SCNN1G: variants seen among roughly 807,000 people sequenced by gnomAD.
SCNN1G encodes the protein sodium channel epithelial 1 subunit gamma, also known as epithelial sodium channel subunit gamma.
A neutral mutation model predicts 64.6 loss-of-function variants in SCNN1G; 27 were observed. That is an observed-to-expected ratio of 0.42 (90% CI 0.31 to 0.58). The LOEUF (loss-of-function observed/expected upper bound fraction) is 0.58, where lower values mean the gene tolerates loss of function less well. SCNN1G is among the 20% of genes least tolerant of loss of function. SCNN1G has a pLI of 0.18. For missense variants in SCNN1G, 743 were observed against 823.4 expected (o/e 0.90, Z 1.19); for synonymous variants, 330 against 314.2 (o/e 1.05, Z -0.53).
Position 23,209,747 on chromosome 16 carries a change from C to T in SCNN1G, c.1078-3C>T, listed in dbSNP as rs754536613. 5 of 1,611,036 alleles carry T rather than the reference C, an allele frequency of 3.1e-6. No homozygotes were observed. In the Admixed American group the frequency reaches 8.3e-5, roughly 27 times the overall value. On this transcript the variant is annotated splice_polypyrimidine_tract_variant and splice_region_variant and intron_variant, in intron 6 of 12. Coordinates refer to ENST00000300061, the MANE Select transcript of SCNN1G (RefSeq NM_001039.4). Reference sequence around the variant, plus strand: ...GGCTGAGTGTGTGCTGCTGTGATTGCAGACAGAGTCCTTCAAGCTGAGTGA... The same window carrying T: ...GGCTGAGTGTGTGCTGCTGTGATTGTAGACAGAGTCCTTCAAGCTGAGTGA...
intron 2 of SCNN1G, among the ~76,000 whole-genome samples, chr16:23,187,749 A>G (rs916622353): frequency 1.3e-5 from 2 of 152,156 alleles, no homozygotes; most frequent in African/African-American, 4.8e-5. Context: ...GGACTGCCCT[A>G]TCATCCTCGG....
rs72647539 is a variant in SCNN1G at position 23,214,648 on chromosome 16, A to G, written c.1494-64A>G. 2.3e-6 allele frequency: 3 copies of G among 1,296,630 alleles called. No individual in the cohort carries two copies. The African/African-American group carries it at 4.4e-5, about 19-fold the overall frequency. The allele number at this position is 1,296,630 out of a possible 1,614,324, so 80.3% of individuals were successfully genotyped here. A position where few individuals can be genotyped will look rare whatever the true frequency, so the allele number is the denominator to read the frequency against. Reference sequence around the variant, plus strand: ...CAGCTTGGGTAGGAGGGAGACAGCCATGCTGAGGACTGGTAATCTGGTAGG... The same window carrying G: ...CAGCTTGGGTAGGAGGGAGACAGCCGTGCTGAGGACTGGTAATCTGGTAGG... On this transcript the variant is annotated intron_variant, in intron 11 of 12. Transcript: ENST00000300061.
At position 23,215,534 on chromosome 16, in the gene SCNN1G, G is replaced by T; in HGVS notation, c.*65G>T. ...CATGGTCTAAGGACATGGATCGGGT[G>T]CCCCCAGACGTGTGCACAGGGGACC... On this transcript the variant is annotated 3_prime_UTR_variant, in exon 13 of 13. Coordinates refer to ENST00000300061, the MANE Select transcript of SCNN1G (RefSeq NM_001039.4). The T allele has an allele frequency of 6.3e-7, 1 of 1,582,356 alleles. No homozygotes were observed. Among genetic ancestry groups the T allele is most frequent in the Non-Finnish European group, 8.6e-7 (1 of 1,164,206 alleles).
At chr16:23,193,605 C>T (rs1394353929) in intron 4 of SCNN1G, among the ~76,000 whole-genome samples, 2 of 152,064 alleles carry the variant, frequency 1.3e-5, no homozygotes, top group Admixed American at 6.5e-5. Context: ...GCCATAATTG[C>T]GCCACTGCAC....
Position 23,215,681 on chromosome 16 carries a change from C to T in SCNN1G, c.*212C>T. ...ACTACGCAGCAACACTCACAACTGT[C>T]CAGGCTGAGATAAATCCCGGGACCT... is the stretch of plus-strand genomic sequence containing the variant. On this transcript the variant is annotated 3_prime_UTR_variant, in exon 13 of 13. Transcript: ENST00000300061. The T allele has an allele frequency of 1.6e-6, 1 of 614,878 alleles. No homozygotes were observed. The highest frequency in any genetic ancestry group is 2.9e-6 in the Non-Finnish European group (1 of 347,970). 38.1% of individuals were successfully genotyped at this position (614,878 alleles called of 1,614,324 possible). A position where few individuals can be genotyped will look rare whatever the true frequency, so the allele number is the denominator to read the frequency against.
Position 23,189,407 on chromosome 16 carries a change from A to G in SCNN1G, c.354A>G (p.Glu118=). ...STVRHLLADL[E]QETREALKSL... ...TTCGCCACCTTCTAGCTGACTTGGA[A>G]CAGGAGACCAGAGAGGCCCTGAAGT... Residue 118 remains glutamate (E), a synonymous_variant, in exon 3 of 13, where the codon GAA becomes GAG. Coordinates refer to ENST00000300061, the MANE Select transcript of SCNN1G (RefSeq NM_001039.4). 4 of 1,614,088 alleles carry G rather than the reference A, an allele frequency of 2.5e-6. No individual in the cohort carries two copies. The highest frequency in any genetic ancestry group is 3.4e-6 in the Non-Finnish European group (4 of 1,180,030).
chr16:23,200,399 G>A (rs976178039), intron 6 of SCNN1G, among the ~76,000 whole-genome samples: 3 of 152,192 alleles, frequency 2.0e-5, no homozygotes, highest in Non-Finnish European at 4.4e-5. Context: ...TTAGAGCAAT[G>A]CAGAATTAGA....
At chr16:23,207,540 TG>T (rs1418897705) in intron 6 of SCNN1G, among the ~76,000 whole-genome samples, 3 of 152,340 alleles carry the variant, frequency 2.0e-5, no homozygotes, top group African/African-American at 7.2e-5. Context: ...CTATTTATTC[TG>T]TACTGACATA....
chr16:23,194,729 C>G (rs929296641), intron 5 of SCNN1G: 2 of 206,298 alleles, frequency 9.7e-6, no homozygotes, highest in African/African-American at 4.6e-5. Context: ...CAAGTTACTG[C>G]GCTTCGTCTA....
Position 23,212,126 on chromosome 16 carries a change from C to A in SCNN1G, c.1269C>A (p.Cys423Ter). 1 of 1,612,658 alleles carries A rather than the reference C, an allele frequency of 6.2e-7. No individual in the cohort carries two copies. Among genetic ancestry groups the A allele is most frequent in the Non-Finnish European group, 8.5e-7 (1 of 1,178,746 alleles). ...SQPLPPAANY[C>*]NYQQHPNWMY... ...CTCTACCTCCTGCAGCCAACTACTG[C>A]AACTACCAGCAGCACCCCAACTGGA... is the stretch of plus-strand genomic sequence containing the variant. The change falls in exon 8 of 13, where the codon TGC (cysteine) becomes TGA (stop). Residue 423 changes from cysteine (C) to a stop codon, truncating the protein, a stop_gained. Coordinates refer to ENST00000300061, the MANE Select transcript of SCNN1G (RefSeq NM_001039.4). LOFTEE classifies it high-confidence loss of function.
Position 23,209,721 on chromosome 16 carries a change from G to A in SCNN1G, c.1078-29G>A, listed in dbSNP as rs183456197. On this transcript the variant is annotated intron_variant, in intron 6 of 12. Coordinates refer to ENST00000300061, the MANE Select transcript of SCNN1G (RefSeq NM_001039.4). ...CCCGCCTGGGTCCGGGGGGAGGACA[G>A]GGCTGAGTGTGTGCTGCTGTGATTG... The A allele has an allele frequency of 1.9e-4, 293 of 1,560,252 alleles. No individual in the cohort carries two copies. In the African/African-American group the frequency reaches 3.5e-3, roughly 19 times the overall value.
intron 6 of SCNN1G, among the ~76,000 whole-genome samples, chr16:23,199,601 T>C (rs1384622382): frequency 6.6e-6 from 1 of 151,640 alleles, no homozygotes. Context: ...AAGAGAAAAA[T>C]GGTATCTGTT....
At chr16:23,209,694 C>T (rs1960047173) in intron 6 of SCNN1G, 56 bp from the exon 7 acceptor site, 1 of 1,331,048 alleles carries the variant, frequency 7.5e-7, no homozygotes, top group South Asian at 1.2e-5. Context: ...CCTTGCAAAG[C>T]CCCCGCCTGG....
At chr16:23,194,042 T>C in intron 4 of SCNN1G, 129 bp from the exon 5 acceptor site, 1 of 729,622 alleles carries the variant, frequency 1.4e-6, no homozygotes, top group Admixed American at 2.0e-5. Flanking sequence ...AGGAGCAAGA[T>C]GGGGAAAATG....
rs377075982 is a variant in SCNN1G at position 23,192,341 on chromosome 16, C to G, written c.619-11C>G. The G allele has an allele frequency of 3.7e-6, 6 of 1,612,648 alleles. No individual in the cohort carries two copies. Among genetic ancestry groups the G allele is most frequent in the Non-Finnish European group, 5.1e-6 (6 of 1,178,796 alleles). On this transcript the variant is annotated splice_polypyrimidine_tract_variant and intron_variant, in intron 3 of 12. Transcript: ENST00000300061. ...CGATGGCTTCAGCCTCGCATCTCCT[C>G]TTATTCACAGTGCTCAAATGACACC... is the stretch of plus-strand genomic sequence containing the variant.
chr16:23,199,966 T>C (rs575028084), intron 6 of SCNN1G, among the ~76,000 whole-genome samples: 2 of 152,296 alleles, frequency 1.3e-5, no homozygotes, highest in East Asian at 3.9e-4. Context: ...CCACAGCGCC[T>C]GGCCCATAAT....
At chr16:23,189,275 G>T (rs1224761227) in intron 2 of SCNN1G, 96 bp from the exon 3 acceptor site, 5 of 1,286,068 alleles carry the variant, frequency 3.9e-6, no homozygotes, top group Non-Finnish European at 5.6e-6. Flanking sequence ...GTGGGCATGA[G>T]GCTGACACGT....
At chr16:23,208,144 G>A (rs973779412) in intron 6 of SCNN1G, among the ~76,000 whole-genome samples, 1 of 152,138 alleles carries the variant, frequency 6.6e-6, no homozygotes, top group Non-Finnish European at 1.5e-5. Context: ...TTTATTTGCA[G>A]TGACAAATAT....
chr16:23,202,173 C>G (rs920848737), intron 6 of SCNN1G, among the ~76,000 whole-genome samples: 2 of 145,950 alleles, frequency 1.4e-5, no homozygotes, highest in Admixed American at 1.5e-4. Context: ...GGAAACAGAC[C>G]TTTTCTGCCT....
Sources: gnomAD v4.1 joint callset for allele counts (sites outside exome capture counted in the v4.1 genomes callset) on GRCh38, gnomAD v4.1.1 for gene constraint, MANE v1.5 for transcripts, NCBI Gene and HGNC (gene_info 2026-07-23, HGNC 2026-07-21) for gene names.